The following PDGFC variants were observed in gnomAD, a reference collection of about 807,000 sequenced individuals.
PDGFC encodes platelet-derived growth factor C.
Under a neutral mutation model 35.5 loss-of-function variants are expected in PDGFC, and 12 were observed. The observed-to-expected ratio is 0.34, with a 90% CI of 0.22 to 0.55. PDGFC has a LOEUF of 0.55. Ranked by LOEUF, PDGFC falls within the 20% of genes least tolerant of loss-of-function variation. PDGFC has a pLI of 0.91. For synonymous variants in PDGFC, 159 were observed against 148.8 expected, an observed-to-expected ratio of 1.07 and a Z score of -0.50; for missense variants, 322 against 412.4, an observed-to-expected ratio of 0.78 and a Z score of 1.90.
chr4:156,921,423 T>C (rs1731278493), intron 1 of PDGFC, among the ~76,000 whole-genome samples: 2 of 152,102 alleles, frequency 1.3e-5, no homozygotes, highest in East Asian at 1.9e-4. Flanking sequence ...TATTTGGTTA[T>C]TAAGAGAATG....
chr4:156,944,935 C>A (rs548487485), intron 1 of PDGFC, among the ~76,000 whole-genome samples: 1 of 152,002 alleles, frequency 6.6e-6, no homozygotes, highest in African/African-American at 2.4e-5. Flanking sequence ...AGGGCATTTG[C>A]CTCTCCCCTT....
intron 2 of PDGFC, among the ~76,000 whole-genome samples, chr4:156,826,066 T>C (rs919879977): frequency 6.6e-6 from 1 of 151,502 alleles, no homozygotes; most frequent in African/African-American, 2.4e-5. Flanking sequence ...AAGGGGTCTT[T>C]ATTGCCTAGG....
intron 1 of PDGFC, among the ~76,000 whole-genome samples, chr4:156,911,248 A>G (rs932464519): frequency 6.6e-6 from 1 of 152,154 alleles, no homozygotes; most frequent in African/African-American, 2.4e-5. Context: ...TCACTTAAAT[A>G]CTATGCTTTA....
At chr4:156,824,325 T>TACACACACACATATACAC (rs60087416) in intron 2 of PDGFC, among the ~76,000 whole-genome samples, 1 of 109,636 alleles carries the variant, frequency 9.1e-6, no homozygotes, top group African/African-American at 4.8e-5. Flanking sequence ...TATATATATA[T>TACACACACACATATACAC]ATACACACAC....
intron 3 of PDGFC, among the ~76,000 whole-genome samples, chr4:156,806,688 T>C (rs765319671): frequency 3.3e-5 from 5 of 152,110 alleles, no homozygotes; most frequent in Admixed American, 1.3e-4. Flanking sequence ...CCAAAAAATA[T>C]GCAGTACTTT....
At chr4:156,932,968 T>C (rs188658518) in intron 1 of PDGFC, among the ~76,000 whole-genome samples, 2 of 151,940 alleles carry the variant, frequency 1.3e-5, no homozygotes, top group East Asian at 1.9e-4. Flanking sequence ...AACAAAAGTA[T>C]GGGATGAAAG....
At chr4:156,901,336 T>C (rs543449004) in intron 1 of PDGFC, among the ~76,000 whole-genome samples, 22 of 152,188 alleles carry the variant, frequency 1.4e-4, no homozygotes, top group Non-Finnish European at 2.6e-4. Context: ...AAACGTCAGA[T>C]TGGCTTTTAA....
intron 1 of PDGFC, among the ~76,000 whole-genome samples, chr4:156,967,081 G>A (rs1174687594): frequency 6.9e-6 from 1 of 145,626 alleles, no homozygotes; most frequent in African/African-American, 2.5e-5. Flanking sequence ...ATGTCAAAAA[G>A]GTCACGCAAT....
At chr4:156,858,007 T>C (rs1460327105) in intron 1 of PDGFC, among the ~76,000 whole-genome samples, 1 of 152,090 alleles carries the variant, frequency 6.6e-6, no homozygotes, top group Non-Finnish European at 1.5e-5. Flanking sequence ...ATTAAGCCAA[T>C]AAGAGTTAGA....
At chr4:156,851,514 G>A (rs17035320) in intron 1 of PDGFC, among the ~76,000 whole-genome samples, 5,057 of 152,150 alleles carry the variant, frequency 0.033, 307 homozygotes, top group African/African-American at 0.12. Context: ...TGCTGAGAAA[G>A]GAAGTATTCC....
At chr4:156,889,536 C>G (rs1417690024) in intron 1 of PDGFC, among the ~76,000 whole-genome samples, 38 of 152,130 alleles carry the variant, frequency 2.5e-4, no homozygotes, top group Admixed American at 2.4e-3. Flanking sequence ...TGCCATACTG[C>G]GTTTCTTAAC....
intron 3 of PDGFC, among the ~76,000 whole-genome samples, chr4:156,795,486 A>C (rs1731416697): frequency 6.6e-6 from 1 of 151,756 alleles, no homozygotes; most frequent in Admixed American, 6.6e-5. Context: ...TCCCTGTTTA[A>C]AAAAAAAGTA....
chr4:156,871,571 C>T (rs1028110445), intron 1 of PDGFC, among the ~76,000 whole-genome samples: 2 of 152,008 alleles, frequency 1.3e-5, no homozygotes, highest in East Asian at 1.9e-4. Flanking sequence ...TCAATATGTA[C>T]ATATTTTTAT....
At chr4:156,964,947 A>G (rs941759474) in intron 1 of PDGFC, among the ~76,000 whole-genome samples, 12 of 152,228 alleles carry the variant, frequency 7.9e-5, no homozygotes, top group African/African-American at 2.4e-4. Flanking sequence ...AACATTTTCA[A>G]GAGTCCTTGG....
intron 3 of PDGFC, among the ~76,000 whole-genome samples, chr4:156,780,689 A>G (rs762523431): frequency 9.9e-5 from 15 of 152,182 alleles, no homozygotes; most frequent in Non-Finnish European, 1.9e-4. Context: ...TTGACAGTAT[A>G]AAAAGAGTGT....
intron 3 of PDGFC, among the ~76,000 whole-genome samples, chr4:156,781,079 T>C (rs960956892): frequency 2.6e-5 from 4 of 152,152 alleles, no homozygotes; most frequent in African/African-American, 7.2e-5. Flanking sequence ...GCATTGCATA[T>C]CATTTATACG....
chr4:156,955,136 G>A (rs558488126), intron 1 of PDGFC, among the ~76,000 whole-genome samples: 1 of 151,992 alleles, frequency 6.6e-6, no homozygotes, highest in East Asian at 1.9e-4. Flanking sequence ...AGTCAGACAG[G>A]GCCTTAAATC....
intron 1 of PDGFC, among the ~76,000 whole-genome samples, chr4:156,921,210 G>A (rs1188369259): frequency 6.6e-6 from 1 of 152,178 alleles, no homozygotes; most frequent in African/African-American, 2.4e-5. Context: ...CTTTGTGCCA[G>A]TAGAAAAGAA....
At position 156,761,697 on chromosome 4, in the gene PDGFC, G is replaced by A. The variant is rs1011106843; in HGVS notation, c.*1393C>T. Reference sequence around the variant, plus strand: ...AATAGTCACCACATAACCTAGGCACGATATTAAGCATTTTACAAGCAAAAT... The same window carrying A: ...AATAGTCACCACATAACCTAGGCACAATATTAAGCATTTTACAAGCAAAAT... On this transcript the variant is annotated 3_prime_UTR_variant, in exon 6 of 6. Transcript: ENST00000502773. 3 of 152,492 alleles carry A rather than the reference G, an allele frequency of 2.0e-5. No individual in the cohort carries two copies. Among genetic ancestry groups the A allele is most frequent in the African/African-American group, 4.8e-5 (2 of 41,394 alleles). 9.4% of individuals were successfully genotyped at this position (152,492 alleles called of 1,614,324 possible).
Sources: allele counts gnomAD v4.1 joint callset (sites outside exome capture counted in the v4.1 genomes callset), GRCh38; gene constraint gnomAD v4.1.1; transcripts MANE v1.5; gene names NCBI Gene and HGNC (gene_info 2026-07-23, HGNC 2026-07-21).